CMIP: variants seen among roughly 807,000 people sequenced by gnomAD.
The protein encoded by CMIP is c-Maf inducing protein.
A neutral mutation model predicts 97.3 loss-of-function variants in CMIP; 13 were observed. The ratio of observed to expected loss-of-function variants is 0.13; its 90% CI spans 0.09 to 0.21. The LOEUF is 0.21. Ranked by LOEUF, CMIP falls within the 10% of genes least tolerant of loss-of-function variation. The pLI, the probability that CMIP is intolerant of heterozygous loss-of-function variation, is 1.00. For synonymous variants in CMIP, 538 were observed against 436.3 expected (o/e 1.23, Z -2.91); for missense variants, 847 against 1,024.9 (o/e 0.83, Z 2.37).
intron 2 of CMIP, 92 bp from the exon 3 acceptor site, chr16:81,620,784 G>A: frequency 1.4e-6 from 2 of 1,457,766 alleles, no homozygotes; most frequent in Non-Finnish European, 1.9e-6. Context: ...TGTCTACAGA[G>A]CAGGCTTGGG....
In CMIP at chr16:81,557,566, A is replaced by G. The variant is rs554977993; in HGVS notation, c.301-50001A>G. On this transcript the variant is annotated intron_variant, in intron 1 of 20. Transcript: ENST00000537098. ...ATCCAAAAATAAAATAAAAATAAAT[A>G]AAAATGGGAGGACTAGGCAGCACAG... Among the ~76,000 whole-genome samples, 11 of 152,334 alleles carry G rather than the reference A, an allele frequency of 7.2e-5. No individual in the cohort carries two copies. In the South Asian group the frequency reaches 2.3e-3, roughly 32 times the overall value.
At chr16:81,515,718 C>A (rs914930923) in intron 1 of CMIP, among the ~76,000 whole-genome samples, 10 of 152,182 alleles carry the variant, frequency 6.6e-5, no homozygotes, top group African/African-American at 2.4e-4. Flanking sequence ...CCTGTTTGCC[C>A]TTGGGGTCCG....
chr16:81,537,833 C>G (rs925799795), intron 1 of CMIP, among the ~76,000 whole-genome samples: 1 of 152,194 alleles, frequency 6.6e-6, no homozygotes, highest in Non-Finnish European at 1.5e-5. Context: ...GAAGTGGCAG[C>G]AAGAGATTGG....
At chr16:81,500,516 G>C (rs1197461941) in intron 1 of CMIP, among the ~76,000 whole-genome samples, 2 of 134,200 alleles carry the variant, frequency 1.5e-5, no homozygotes, top group African/African-American at 5.6e-5. Context: ...TTGAGATGGA[G>C]TCTCACTCTG....
chr16:81,592,730 T>C (rs545633898), intron 1 of CMIP, among the ~76,000 whole-genome samples: 1 of 152,278 alleles, frequency 6.6e-6, no homozygotes, highest in East Asian at 1.9e-4. Flanking sequence ...CCTTTTCTCC[T>C]CCATGGAACT....
At chr16:81,702,809 C>A in intron 17 of CMIP, 140 bp downstream of exon 17, 2 of 708,956 alleles carry the variant, frequency 2.8e-6, no homozygotes. Flanking sequence ...ACTTAACACG[C>A]CAGCTCTTCC....
intron 2 of CMIP, chr16:81,620,195 G>A (rs576308630): frequency 2.0e-4 from 30 of 152,350 alleles, no homozygotes; most frequent in African/African-American, 7.2e-4. Flanking sequence ...AAGACTCACA[G>A]CTAGTGTGGG....
At chr16:81,703,918 C>G (rs573590950) in intron 17 of CMIP, 21 bp from the exon 18 acceptor site, 8 of 1,584,198 alleles carry the variant, frequency 5.0e-6, no homozygotes, top group Non-Finnish European at 5.1e-6. Flanking sequence ...ACCCTCAGGC[C>G]TCTCCCCCGT....
intron 1 of CMIP, among the ~76,000 whole-genome samples, chr16:81,484,416 C>T (rs933627970): frequency 1.3e-5 from 2 of 152,166 alleles, no homozygotes; most frequent in Admixed American, 6.5e-5. Context: ...GTCTCCCCGA[C>T]GAAGGGTAGA....
chr16:81,682,570 A>G (rs1487292891), intron 10 of CMIP, among the ~76,000 whole-genome samples: 7 of 151,490 alleles, frequency 4.6e-5, no homozygotes, highest in Non-Finnish European at 8.9e-5. Context: ...CCATCTCCAA[A>G]AAAAAAAAAA....
chr16:81,513,519 T>C (rs1283508480), intron 1 of CMIP, among the ~76,000 whole-genome samples: 1 of 152,230 alleles, frequency 6.6e-6, no homozygotes. Context: ...CTGGCCTTTG[T>C]TTCTCTGCCG....
intron 6 of CMIP, among the ~76,000 whole-genome samples, chr16:81,663,437 A>G (rs888079660): frequency 6.6e-6 from 1 of 152,182 alleles, no homozygotes; most frequent in Non-Finnish European, 1.5e-5. Context: ...AAGCAAAACT[A>G]TGGAGAAAGT....
chr16:81,445,280 C>T lies in CMIP; in HGVS notation c.39C>T (p.Pro13=), dbSNP rs1411111520. The T allele has an allele frequency of 6.5e-7, 1 of 1,548,026 alleles. No individual in the cohort carries two copies. Among genetic ancestry groups the T allele is most frequent in the Non-Finnish European group, 8.7e-7 (1 of 1,148,750 alleles). ...GCAGCTCGGGCGGCGGCGGCGACCC[C>T]CGGCAGATCGAGGAGACCAAGCCGC... ...VTSSSGGGGD[P]RQIEETKPLL... is the part of the protein sequence containing the mutation. Residue 13 remains proline, a synonymous_variant, in exon 1 of 21, where the codon CCC becomes CCT. Coordinates refer to ENST00000537098, the MANE Select transcript of CMIP (RefSeq NM_198390.3).
intron 20 of CMIP, among the ~76,000 whole-genome samples, chr16:81,708,632 A>C (rs1908420240): frequency 6.6e-6 from 1 of 152,166 alleles, no homozygotes; most frequent in Non-Finnish European, 1.5e-5. Flanking sequence ...CCTTTGGAGG[A>C]GGGGCCTCTG....
chr16:81,695,405 G>T (rs1906598618), intron 13 of CMIP: 1 of 152,260 alleles, frequency 6.6e-6, no homozygotes, highest in African/African-American at 2.4e-5. Context: ...TTCCAGCTCA[G>T]AGGGAAAAAT....
chr16:81,458,646 G>A (rs953853641), intron 1 of CMIP, among the ~76,000 whole-genome samples: 10 of 152,150 alleles, frequency 6.6e-5, no homozygotes, highest in Non-Finnish European at 1.0e-4. Flanking sequence ...AGGTGGAGGC[G>A]TTAAATCCCC....
intron 1 of CMIP, among the ~76,000 whole-genome samples, chr16:81,505,340 T>C (rs1437203137): frequency 6.6e-6 from 1 of 152,142 alleles, no homozygotes; most frequent in African/African-American, 2.4e-5. Context: ...GGAGGCCATG[T>C]TGTTGTTTCG....
intron 1 of CMIP, among the ~76,000 whole-genome samples, chr16:81,528,878 G>T (rs978743274): frequency 6.6e-6 from 1 of 151,978 alleles, no homozygotes. Flanking sequence ...TTTTTTGTTA[G>T]GCACTCACCC....
Position 81,702,591 on chromosome 16 carries a change from A to G in CMIP, c.1897-31A>G, listed in dbSNP as rs141294406. On this transcript the variant is annotated intron_variant, in intron 16 of 20. Coordinates refer to ENST00000537098, the MANE Select transcript of CMIP (RefSeq NM_198390.3). ...CTAGAATGGAAACTTGGGGAAAAGA[A>G]TGGTTGTAACCAGCCTGGTTTCTGT... 49 of 1,608,406 alleles carry G rather than the reference A, an allele frequency of 3.0e-5. No homozygotes were observed. The African/African-American group carries it at 3.2e-4, about 11-fold the overall frequency.
Sources: gnomAD v4.1 joint callset for allele counts (sites outside exome capture counted in the v4.1 genomes callset) on GRCh38, gnomAD v4.1.1 for gene constraint, MANE v1.5 for transcripts, NCBI Gene and HGNC (gene_info 2026-07-23, HGNC 2026-07-21) for gene names.